CCDC148: variants seen among roughly 807,000 people sequenced by gnomAD.
CCDC148 encodes coiled-coil domain containing 148.
In CCDC148, 89 loss-of-function variants were observed where a neutral mutation model predicts 85.7. The observed-to-expected ratio is 1.04, with a 90% confidence interval of 0.87 to 1.24. The LOEUF (loss-of-function observed/expected upper bound fraction) is 1.24. Among genes scored for constraint, CCDC148 ranks in the 50% most tolerant of loss-of-function variants. The pLI, the probability that CCDC148 is intolerant of heterozygous loss-of-function variation, is 0.00. For synonymous variants in CCDC148, 230 were observed against 213.9 expected (o/e 1.08, Z -0.66); for missense variants, 692 against 671.7 (o/e 1.03, Z -0.33).
intron 1 of CCDC148, among the ~76,000 whole-genome samples, chr2:158,397,799 TGGGCTAGGTGCCCCCA>T (rs879459974): frequency 1.2e-4 from 19 of 152,186 alleles, no homozygotes; most frequent in Admixed American, 9.8e-4. Flanking sequence ...TAAAAGTAAA[TGGGCTAGGTGCCCCCA>T]ATTAAGAGAC....
intron 1 of CCDC148, among the ~76,000 whole-genome samples, chr2:158,415,337 T>C (rs369300525): frequency 6.6e-5 from 10 of 152,094 alleles, no homozygotes; most frequent in South Asian, 6.2e-4. Context: ...CTCACTATCA[T>C]GAGAACAGCA....
At chr2:158,202,390 T>G (rs1190529278) in intron 11 of CCDC148, among the ~76,000 whole-genome samples, 1 of 152,226 alleles carries the variant, frequency 6.6e-6, no homozygotes, top group East Asian at 1.9e-4. Flanking sequence ...GTCTTTGGTT[T>G]AATAGAATGT....
chr2:158,358,533 G>T lies in CCDC148; in HGVS notation c.63C>A (p.Asn21Lys). The T allele has an allele frequency of 6.3e-7, 1 of 1,593,016 alleles. No homozygotes were observed. ...LVFHMKNEMR[N>K]IKYKPVDYQQ... ...GATAGTCTACTGGTTTGTACTTGATGTTTCTCATCTCATTTTTCATATGGA... is the reference window on the plus strand; with the variant it reads ...GATAGTCTACTGGTTTGTACTTGATTTTTCTCATCTCATTTTTCATATGGA... The change falls in exon 2 of 14, where the codon AAC (asparagine) becomes AAA (lysine). Residue 21 changes from asparagine to lysine, a missense_variant. Asn to Lys is a moderately conservative substitution (Grantham distance 94). Coordinates refer to ENST00000283233, the MANE Select transcript of CCDC148 (RefSeq NM_138803.4).
At chr2:158,366,955 A>G (rs376417694) in intron 1 of CCDC148, among the ~76,000 whole-genome samples, 2 of 152,308 alleles carry the variant, frequency 1.3e-5, no homozygotes, top group South Asian at 2.1e-4. Context: ...AAGATAGTTA[A>G]GGTCCATGAC....
chr2:158,217,325 T>A (rs924115204), intron 11 of CCDC148, among the ~76,000 whole-genome samples: 18 of 101,054 alleles, frequency 1.8e-4, no homozygotes, highest in Admixed American at 9.0e-4. Context: ...TATATATATA[T>A]ATAATTTTGT....
chr2:158,444,219 C>G (rs1211405163), intron 1 of CCDC148, among the ~76,000 whole-genome samples: 1 of 151,508 alleles, frequency 6.6e-6, no homozygotes, highest in Non-Finnish European at 1.5e-5. Flanking sequence ...ATATATACAG[C>G]AAACATGGTG....
chr2:158,266,432 A>G (rs1037535910), intron 9 of CCDC148, among the ~76,000 whole-genome samples: 1 of 152,170 alleles, frequency 6.6e-6, no homozygotes, highest in Admixed American at 6.6e-5. Flanking sequence ...CAATTTCCAA[A>G]ATGTTCATGT....
intron 1 of CCDC148, among the ~76,000 whole-genome samples, chr2:158,440,471 G>T (rs1271898341): frequency 1.3e-5 from 2 of 152,006 alleles, no homozygotes; most frequent in Non-Finnish European, 2.9e-5. Flanking sequence ...ATGCACAATA[G>T]TCCCCCGTTA....
chr2:158,353,974 A>G (rs113544883), intron 2 of CCDC148, among the ~76,000 whole-genome samples: 10 of 152,198 alleles, frequency 6.6e-5, no homozygotes, highest in Admixed American at 6.5e-4. Context: ...CTCCTGAATG[A>G]CCACTGGGTA....
intron 11 of CCDC148, among the ~76,000 whole-genome samples, chr2:158,210,318 C>T (rs1221745926): frequency 6.6e-6 from 1 of 152,096 alleles, no homozygotes; most frequent in Non-Finnish European, 1.5e-5. Flanking sequence ...AAAGCAAGTT[C>T]TTAGAGATCT....
chr2:158,383,955 A>G (rs1031467805), intron 1 of CCDC148, among the ~76,000 whole-genome samples: 4 of 152,164 alleles, frequency 2.6e-5, no homozygotes, highest in African/African-American at 9.6e-5. Flanking sequence ...CAGAATTGCT[A>G]CTCAGTCTTT....
At chr2:158,255,777 C>T (rs1201161356) in intron 9 of CCDC148, among the ~76,000 whole-genome samples, 2 of 151,674 alleles carry the variant, frequency 1.3e-5, no homozygotes, top group East Asian at 3.9e-4. Context: ...AACATTACCA[C>T]AGTGGCAGCC....
chr2:158,198,304 A>G (rs1425652252), intron 11 of CCDC148, among the ~76,000 whole-genome samples: 1 of 152,144 alleles, frequency 6.6e-6, no homozygotes, highest in Non-Finnish European at 1.5e-5. Flanking sequence ...GAAAACAGGG[A>G]CAGTGTCATT....
chr2:158,427,038 C>T lies in CCDC148; in HGVS notation c.25+29377G>A, dbSNP rs112503256. Among the ~76,000 whole-genome samples the T allele has an allele frequency of 4.3e-3, 659 of 151,696 alleles. 3 individuals carry two copies. Among genetic ancestry groups the T allele is most frequent in the African/African-American group, 0.015 (611 of 41,370 alleles). ...ACCTTGAGATTGTCCTTTTCTCTGA[C>T]CAAAAATGAATAAAGGCTTTTGAAA... On this transcript the variant is annotated intron_variant, in intron 1 of 13. Coordinates refer to ENST00000283233, the MANE Select transcript of CCDC148 (RefSeq NM_138803.4).
intron 9 of CCDC148, among the ~76,000 whole-genome samples, chr2:158,269,917 C>T (rs1689626890): frequency 6.6e-6 from 1 of 152,158 alleles, no homozygotes; most frequent in African/African-American, 2.4e-5. Flanking sequence ...GAAAGTATTT[C>T]AGTTCAAAAG....
intron 11 of CCDC148, among the ~76,000 whole-genome samples, chr2:158,179,872 C>T (rs1488510993): frequency 2.6e-5 from 4 of 152,054 alleles, no homozygotes. Flanking sequence ...CATGACTTTC[C>T]CTTAGCATTC....
intron 1 of CCDC148, among the ~76,000 whole-genome samples, chr2:158,363,432 C>T (rs922176958): frequency 6.6e-6 from 1 of 152,026 alleles, no homozygotes; most frequent in Non-Finnish European, 1.5e-5. Flanking sequence ...ACTGGCAAAC[C>T]AAATCCAGCA....
chr2:158,229,693 G>A (rs1191128721), intron 10 of CCDC148, among the ~76,000 whole-genome samples: 3 of 152,104 alleles, frequency 2.0e-5, no homozygotes, highest in Non-Finnish European at 4.4e-5. Flanking sequence ...TGCCTCACCT[G>A]GGCTGCAGAT....
chr2:158,394,455 G>A (rs1462516156), intron 1 of CCDC148, among the ~76,000 whole-genome samples: 1 of 152,084 alleles, frequency 6.6e-6, no homozygotes, highest in Non-Finnish European at 1.5e-5. Flanking sequence ...GAAGGCATGA[G>A]CAAACTCTAG....
Sources: allele counts gnomAD v4.1 joint callset (sites outside exome capture counted in the v4.1 genomes callset), GRCh38; gene constraint gnomAD v4.1.1; transcripts MANE v1.5; gene names NCBI Gene and HGNC (gene_info 2026-07-23, HGNC 2026-07-21).